Variants in P2RX3 observed in about 807,000 individuals in gnomAD.
P2RX3 encodes the protein purinergic receptor P2X 3, also known as P2X purinoceptor 3.
Under a neutral mutation model 51.5 loss-of-function variants are expected in P2RX3, and 41 were observed. The ratio of observed to expected loss-of-function variants is 0.80; its 90% CI spans 0.62 to 1.03. The LOEUF (loss-of-function observed/expected upper bound fraction) is 1.03, where lower values mean the gene tolerates loss of function less well. Among genes scored for constraint, P2RX3 ranks in the 50% least tolerant of loss-of-function variants. The probability of loss-of-function intolerance (pLI) is 0.00; values close to 1 mark genes in which losing one functional copy is unlikely to be tolerated. For missense variants in P2RX3, 459 were observed against 522.1 expected (o/e 0.88, Z 1.18); for synonymous variants, 185 against 191.6 (o/e 0.97, Z 0.29).
intron 8 of P2RX3, among the ~76,000 whole-genome samples, chr11:57,355,341 T>C (rs1231163967): frequency 1.3e-5 from 2 of 148,630 alleles, no homozygotes; most frequent in Non-Finnish European, 3.0e-5. Flanking sequence ...TTTCTTTTTT[T>C]TTTTTTTTTT....
intron 4 of P2RX3, among the ~76,000 whole-genome samples, chr11:57,347,684 G>A (rs900181708): frequency 1.3e-5 from 2 of 152,266 alleles, no homozygotes; most frequent in African/African-American, 4.8e-5. Flanking sequence ...CTAGGATGGT[G>A]GTGACAGACA....
chr11:57,347,043 A>C, intron 2 of P2RX3, 73 bp from the exon 3 acceptor site: 1 of 1,404,934 alleles, frequency 7.1e-7, no homozygotes, highest in Non-Finnish European at 1.0e-6. Flanking sequence ...TAGAGTGGGG[A>C]TAATCAGTTA....
intron 8 of P2RX3, among the ~76,000 whole-genome samples, chr11:57,362,850 C>T (rs941681650): frequency 1.3e-5 from 2 of 152,094 alleles, no homozygotes; most frequent in African/African-American, 2.4e-5. Context: ...AGCACAGTGT[C>T]GGGTCACAGA....
Position 57,350,782 on chromosome 11 carries a change from G to T in P2RX3, c.726G>T (p.Lys242Asn). ...TTCAGGGGGGAGTTCTGGGCATTAAGATCGGCTGGGTGTGCGACTTGGACA... is the reference window on the plus strand; with the variant it reads ...TTCAGGGGGGAGTTCTGGGCATTAATATCGGCTGGGTGTGCGACTTGGACA... ...LARTGGVLGI[K>N]IGWVCDLDKA... Residue 242 changes from lysine (K) to asparagine (N), a missense_variant, in exon 8 of 12, where the codon AAG becomes AAT. Physicochemically the swap from Lys to Asn is moderately conservative, Grantham distance 94. Coordinates refer to ENST00000263314, the MANE Select transcript of P2RX3 (RefSeq NM_002559.5). The T allele has an allele frequency of 6.2e-7, 1 of 1,613,592 alleles. No homozygotes were observed. Among genetic ancestry groups the T allele is most frequent in the Non-Finnish European group, 8.5e-7 (1 of 1,179,826 alleles).
rs375920962 is a variant in P2RX3 at position 57,369,387 on chromosome 11, G to T, written c.1029G>T (p.Leu343=). The change falls in exon 11 of 12, where the codon CTG becomes CTT. Residue 343 remains leucine (L), a synonymous_variant. Coordinates refer to ENST00000263314, the MANE Select transcript of P2RX3 (RefSeq NM_002559.5). ...GAACTGTTCTCTGTGACATCATCCT[G>T]CTCAACTTCCTCAAGGGGGCCGACC... is the stretch of plus-strand genomic sequence containing the variant. ...GVGTVLCDII[L]LNFLKGADQY... The T allele has an allele frequency of 6.2e-7, 1 of 1,610,600 alleles. No individual in the cohort carries two copies. The highest frequency in any genetic ancestry group is 8.5e-7 in the Non-Finnish European group (1 of 1,178,584).
chr11:57,365,926 G>A (rs908304079), intron 8 of P2RX3, among the ~76,000 whole-genome samples: 1 of 152,178 alleles, frequency 6.6e-6, no homozygotes, highest in African/African-American at 2.4e-5. Context: ...TCCCTGTCAG[G>A]AGCATCACGT....
chr11:57,356,132 A>G (rs1856626688), intron 8 of P2RX3, among the ~76,000 whole-genome samples: 1 of 152,204 alleles, frequency 6.6e-6, no homozygotes, highest in Non-Finnish European at 1.5e-5. Flanking sequence ...ACAGCTCACC[A>G]TCTTCCCCCA....
chr11:57,370,202 C>A lies in P2RX3; in HGVS notation c.*205C>A, dbSNP rs1856863702. Reference sequence around the variant, plus strand: ...CTGAGACCCCAATCTCACCTTCACTCCTTGCCTGGCCCCATCTGCTTCCTA... The same window carrying A: ...CTGAGACCCCAATCTCACCTTCACTACTTGCCTGGCCCCATCTGCTTCCTA... On this transcript the variant is annotated 3_prime_UTR_variant, in exon 12 of 12. Transcript: ENST00000263314. The A allele has an allele frequency of 1.8e-6, 1 of 552,542 alleles. No individual in the cohort carries two copies. Among genetic ancestry groups the A allele is most frequent in the Non-Finnish European group, 3.2e-6 (1 of 309,864 alleles). The allele number at this position is 552,542 out of a possible 1,614,324, so 34.2% of individuals were successfully genotyped here.
intron 8 of P2RX3, 45 bp downstream of exon 8, chr11:57,350,943 T>A (rs1856536958): frequency 6.2e-7 from 1 of 1,612,922 alleles, no homozygotes; most frequent in Non-Finnish European, 8.5e-7. Context: ...AGGTGCGGGC[T>A]GTTAACGGCA....
chr11:57,343,246 C>T (rs193279630), intron 1 of P2RX3, among the ~76,000 whole-genome samples: 2 of 152,274 alleles, frequency 1.3e-5, no homozygotes, highest in African/African-American at 2.4e-5. Flanking sequence ...AAGAAGGAGC[C>T]TTGAAGGAGG....
chr11:57,345,954 C>T (rs1488313417), intron 1 of P2RX3, among the ~76,000 whole-genome samples: 1 of 150,368 alleles, frequency 6.7e-6, no homozygotes, highest in Non-Finnish European at 1.5e-5. Context: ...CCTCTGTTCT[C>T]ATCTGACACC....
rs10896612 is a variant in P2RX3 at position 57,372,279 on chromosome 11, C to A, written c.*2282C>A. On this transcript the variant is annotated 3_prime_UTR_variant, in exon 12 of 12. Coordinates refer to ENST00000263314, the MANE Select transcript of P2RX3 (RefSeq NM_002559.5). ...TAATCATTCAACATAAAAGCCAACA[C>A]TGATTACTTACTATTGGCAGGCAAT... is the stretch of plus-strand genomic sequence containing the variant. Among the ~76,000 whole-genome samples, 1 of 152,114 alleles carries A rather than the reference C, an allele frequency of 6.6e-6. No individual in the cohort carries two copies. The highest frequency in any genetic ancestry group is 1.5e-5 in the Non-Finnish European group (1 of 68,026).
At chr11:57,341,921 A>G (rs779605073) in intron 1 of P2RX3, among the ~76,000 whole-genome samples, 2 of 152,088 alleles carry the variant, frequency 1.3e-5, no homozygotes, top group South Asian at 2.1e-4. Context: ...TTTGGTTCAT[A>G]AAATTCAGCC....
chr11:57,353,090 C>A (rs1392827958), intron 8 of P2RX3, among the ~76,000 whole-genome samples: 1 of 152,196 alleles, frequency 6.6e-6, no homozygotes, highest in Non-Finnish European at 1.5e-5. Context: ...TACTGGCACC[C>A]AAGGCTAAGC....
chr11:57,360,132 G>A (rs959517307), intron 8 of P2RX3, among the ~76,000 whole-genome samples: 18 of 152,180 alleles, frequency 1.2e-4, no homozygotes, highest in South Asian at 2.1e-4. Flanking sequence ...GAAACAACAG[G>A]TGTGGAAGCC....
upstream of P2RX3, among the ~76,000 whole-genome samples, chr11:57,336,060 CT>C (rs2134396815): frequency 6.6e-6 from 1 of 152,230 alleles, no homozygotes; most frequent in East Asian, 1.9e-4. Context: ...ACTACAGACA[CT>C]TCTTCAGTCG....
chr11:57,369,858 G>GACA, intron 11 of P2RX3, 26 bp from the exon 12 acceptor site: 1 of 1,529,316 alleles, frequency 6.5e-7, no homozygotes, highest in South Asian at 1.1e-5. Context: ...GTCAGAACTT[G>GACA]ACAACACCAG....
chr11:57,349,741 C>G lies in P2RX3; in HGVS notation c.564-16C>G. Reference sequence around the variant, plus strand: ...CCATGAACCCTGGGCTGACCTCTCTCTCTGCTCCTCCCCAGGGGAAACCTC... The same window carrying G: ...CCATGAACCCTGGGCTGACCTCTCTGTCTGCTCCTCCCCAGGGGAAACCTC... On this transcript the variant is annotated splice_polypyrimidine_tract_variant and intron_variant, in intron 6 of 11. Transcript: ENST00000263314. 6.2e-7 allele frequency: 1 copy of G among 1,614,074 alleles called. No homozygotes were observed. The highest frequency in any genetic ancestry group is 8.5e-7 in the Non-Finnish European group (1 of 1,179,958).
At chr11:57,348,425 C>A in intron 5 of P2RX3, 162 bp downstream of exon 5, 1 of 735,918 alleles carries the variant, frequency 1.4e-6, no homozygotes. Flanking sequence ...TATCATCTTC[C>A]CCAGCCCACC....
Sources: allele counts gnomAD v4.1 joint callset (sites outside exome capture counted in the v4.1 genomes callset), GRCh38; gene constraint gnomAD v4.1.1; transcripts MANE v1.5; gene names NCBI Gene and HGNC (gene_info 2026-07-23, HGNC 2026-07-21).